Variants in PCDHGA4 observed in about 807,000 individuals in gnomAD.
PCDHGA4 encodes protocadherin gamma subfamily A, 4.
PCDHGA4 carries 38 observed loss-of-function variants against 54.6 expected under a neutral mutation model. The ratio of observed to expected loss-of-function variants is 0.70; its 90% CI spans 0.54 to 0.91. The LOEUF is 0.91. Among genes scored for constraint, PCDHGA4 ranks in the 40% least tolerant of loss-of-function variants. The pLI is 0.00. For missense variants in PCDHGA4, 1,298 were observed against 1,220.9 expected (o/e 1.06, Z -0.94); for synonymous variants, 511 against 512.9 (o/e 1.00, Z 0.05).
At chr5:141,497,020 C>T (rs138768677) in intron 2 of PCDHGA4, among the ~76,000 whole-genome samples, 8 of 152,122 alleles carry the variant, frequency 5.3e-5, no homozygotes, top group African/African-American at 1.7e-4. Flanking sequence ...GAAACCCCAT[C>T]TCGATTAAAA....
chr5:141,389,211 G>A, intron 1 of PCDHGA4: 2 of 1,614,058 alleles, frequency 1.2e-6, no homozygotes, highest in South Asian at 2.2e-5. Flanking sequence ...CATTGGTGAT[G>A]TAAATGACAA....
At chr5:141,414,100 G>A (rs1293589634) in intron 1 of PCDHGA4, 2 of 1,593,288 alleles carry the variant, frequency 1.3e-6, no homozygotes. Context: ...AAAAATATCA[G>A]AAAATCTAGA....
At chr5:141,371,264 A>G (rs753938620) in intron 1 of PCDHGA4, 27 of 1,614,064 alleles carry the variant, frequency 1.7e-5, no homozygotes, top group Non-Finnish European at 2.0e-5. Flanking sequence ...AAGTGAGACA[A>G]CTGTTCAAGC....
At chr5:141,410,688 A>G in intron 1 of PCDHGA4, 1 of 1,519,164 alleles carries the variant, frequency 6.6e-7, no homozygotes, top group South Asian at 1.3e-5. Flanking sequence ...TAGGCATACT[A>G]CTTTATTTTC....
Position 141,371,971 on chromosome 5 carries a change from G to A in PCDHGA4, c.2514+14350G>A, listed in dbSNP as rs372239619. On this transcript the variant is annotated intron_variant, in intron 1 of 3. Transcript: ENST00000571252. ...CGAGCCTTCGACCACGAGCAGCTGC[G>A]TGCCTTCGAGCTCACTCTGCAGGCC... 12 of 1,612,438 alleles carry A rather than the reference G, an allele frequency of 7.4e-6. No homozygotes were observed. Among genetic ancestry groups the A allele is most frequent in the African/African-American group, 6.7e-5 (5 of 75,070 alleles).
At chr5:141,422,934 C>T in intron 1 of PCDHGA4, 1 of 1,614,254 alleles carries the variant, frequency 6.2e-7, no homozygotes, top group Non-Finnish European at 8.5e-7. Context: ...CTGCCCTCCC[C>T]ACAGACGGCT....
At chr5:141,365,131 G>A (rs751303366) in intron 1 of PCDHGA4, 2 of 1,613,854 alleles carry the variant, frequency 1.2e-6, no homozygotes, top group East Asian at 2.2e-5. Flanking sequence ...TAACCGCCAC[G>A]GATCCAGATG....
In PCDHGA4 at chr5:141,404,595, T is replaced by C. The variant is rs1035989165; in HGVS notation, c.2514+46974T>C. On this transcript the variant is annotated intron_variant, in intron 1 of 3. Transcript: ENST00000571252. ...CCACCACTTAGCAGCAATGTGTCAT[T>C]GAGACTGTTTGTTTTGGACCAGAAT... is the stretch of plus-strand genomic sequence containing the variant. 44 of 1,613,678 alleles carry C rather than the reference T, an allele frequency of 2.7e-5. No homozygotes were observed. Among genetic ancestry groups the C allele is most frequent in the Non-Finnish European group, 3.6e-5 (43 of 1,179,690 alleles).
In PCDHGA4 at chr5:141,366,520, C is replaced by T. The variant is rs2149895012; in HGVS notation, c.2514+8899C>T. ...CACGCCTGCTTCAGGCTGAAGGCAG[C>T]AGGTTGGCGGGTGTGCCCGCCTCGC... On this transcript the variant is annotated intron_variant, in intron 1 of 3. Coordinates refer to ENST00000571252, the MANE Select transcript of PCDHGA4 (RefSeq NM_018917.4). 3 of 1,614,278 alleles carry T rather than the reference C, an allele frequency of 1.9e-6. No individual in the cohort carries two copies. The East Asian group carries it at 6.7e-5, about 36-fold the overall frequency.
At chr5:141,423,341 TC>T (rs767448191) in intron 1 of PCDHGA4, 181 of 1,614,176 alleles carry the variant, frequency 1.1e-4, no homozygotes, top group Admixed American at 2.7e-4. Context: ...TCCTGCATCT[TC>T]CTGGTCTTTG....
At chr5:141,399,705 C>G in intron 1 of PCDHGA4, 1 of 1,613,470 alleles carries the variant, frequency 6.2e-7, no homozygotes. Flanking sequence ...CCTTCGAACT[C>G]ACACTACAGG....
rs1245526846 is a variant in PCDHGA4, at chr5:141,512,505, C to T, written c.*1332C>T. ...GCCACTGCCCAGGTCCCCAGTGCGCCCCCTAGTGGCCATAGCCTGGTTAAA... is the reference window on the plus strand; with the variant it reads ...GCCACTGCCCAGGTCCCCAGTGCGCTCCCTAGTGGCCATAGCCTGGTTAAA... On this transcript the variant is annotated 3_prime_UTR_variant, in exon 4 of 4. Transcript: ENST00000571252. The T allele has an allele frequency of 1.3e-5, 2 of 152,888 alleles. No individual in the cohort carries two copies. The highest frequency in any genetic ancestry group is 4.8e-5 in the African/African-American group (2 of 41,466). 9.5% of individuals were successfully genotyped at this position (152,888 alleles called of 1,614,324 possible). A position where few individuals can be genotyped will look rare whatever the true frequency, so the allele number is the denominator to read the frequency against.
At chr5:141,371,188 T>C (rs1206989931) in intron 1 of PCDHGA4, 1 of 1,614,030 alleles carries the variant, frequency 6.2e-7, no homozygotes. Flanking sequence ...TTAAAAGTGA[T>C]GGCCATTGAC....
At chr5:141,469,468 G>A (rs62379200) in intron 1 of PCDHGA4, among the ~76,000 whole-genome samples, 32,669 of 151,998 alleles carry the variant, frequency 0.21, 3,638 homozygotes, top group African/African-American at 0.27. Context: ...TCAGCTACTC[G>A]GGAGGCTGAG....
intron 1 of PCDHGA4, among the ~76,000 whole-genome samples, chr5:141,368,930 A>G (rs182609850): frequency 1.4e-4 from 22 of 152,346 alleles, no homozygotes; most frequent in Middle Eastern, 3.4e-3. Flanking sequence ...GTGTCTGTCT[A>G]GAATTCTGGT....
At chr5:141,405,473 G>A in intron 1 of PCDHGA4, 3 of 1,066,958 alleles carry the variant, frequency 2.8e-6, no homozygotes, top group Non-Finnish European at 4.0e-6. Flanking sequence ...AGGCTGGAAT[G>A]CAGTGGTGTG....
At chr5:141,434,683 T>A (rs1057301534) in intron 1 of PCDHGA4, among the ~76,000 whole-genome samples, 8 of 152,248 alleles carry the variant, frequency 5.3e-5, no homozygotes, top group Non-Finnish European at 5.9e-5. Flanking sequence ...AATGACTGGC[T>A]TGCTGTTAAT....
intron 2 of PCDHGA4, 145 bp downstream of exon 2, chr5:141,495,010 G>GT: frequency 6.6e-7 from 1 of 1,516,970 alleles, no homozygotes; most frequent in East Asian, 2.5e-5. Flanking sequence ...GTGTGCGGGG[G>GT]GCTGGCACAC....
intron 1 of PCDHGA4, chr5:141,400,610 T>C (rs1561677991): frequency 3.2e-6 from 5 of 1,573,090 alleles, no homozygotes; most frequent in Non-Finnish European, 4.4e-6. Flanking sequence ...TCAAGTCCAA[T>C]GAGTTGTCTT....
Sources: allele counts gnomAD v4.1 joint callset (sites outside exome capture counted in the v4.1 genomes callset), GRCh38; gene constraint gnomAD v4.1.1; transcripts MANE v1.5; gene names NCBI Gene and HGNC (gene_info 2026-07-23, HGNC 2026-07-21).